Variants in SOX6 observed in about 807,000 individuals in gnomAD.
SOX6 encodes SRY-box transcription factor 6, also known as transcription factor SOX-6.
A neutral mutation model predicts 97.8 loss-of-function variants in SOX6; 11 were observed. That is an observed-to-expected ratio of 0.11 (90% CI 0.07 to 0.19). The LOEUF (loss-of-function observed/expected upper bound fraction) is 0.19. Ranked by LOEUF, SOX6 falls within the 10% of genes least tolerant of loss-of-function variation. The pLI is 1.00. For missense variants in SOX6, 810 were observed against 1,039.5 expected, an observed-to-expected ratio of 0.78 and a Z score of 3.04; for synonymous variants, 360 against 371.4, an observed-to-expected ratio of 0.97 and a Z score of 0.35.
At chr11:16,310,337 A>G (rs1855562931) in intron 3 of SOX6, among the ~76,000 whole-genome samples, 1 of 152,058 alleles carries the variant, frequency 6.6e-6, no homozygotes, top group Non-Finnish European at 1.5e-5. Context: ...ATGCAAATAT[A>G]CTTAACACGA....
intron 4 of SOX6, among the ~76,000 whole-genome samples, chr11:16,192,376 G>C (rs1025661091): frequency 6.6e-6 from 1 of 151,852 alleles, no homozygotes; most frequent in Non-Finnish European, 1.5e-5. Context: ...AGTGACTTCA[G>C]ATTTACTGAA....
intron 15 of SOX6, among the ~76,000 whole-genome samples, chr11:15,974,905 A>G (rs1396392556): frequency 6.6e-6 from 1 of 152,186 alleles, no homozygotes; most frequent in East Asian, 1.9e-4. Context: ...TTTCCAGATG[A>G]AGAAAATCAG....
At chr11:16,577,564 A>T (rs1847995116) in intron 4 of SOX6, among the ~76,000 whole-genome samples, 1 of 152,156 alleles carries the variant, frequency 6.6e-6, no homozygotes, top group South Asian at 2.1e-4. Flanking sequence ...TTTCCAATGA[A>T]TGTTCCACCT....
chr11:16,507,153 G>C (rs1054674346), intron 4 of SOX6, among the ~76,000 whole-genome samples: 1 of 152,178 alleles, frequency 6.6e-6, no homozygotes, highest in Middle Eastern at 3.4e-3. Context: ...GCCACGTGGA[G>C]ATGTGCCTGC....
chr11:16,539,922 C>G (rs1163891574), intron 4 of SOX6, among the ~76,000 whole-genome samples: 1 of 152,154 alleles, frequency 6.6e-6, no homozygotes, highest in Non-Finnish European at 1.5e-5. Context: ...CCTTCTGAAA[C>G]TATTCCAATC....
intron 6 of SOX6, among the ~76,000 whole-genome samples, chr11:16,132,272 AAGGAAGGAAG>A (rs1849766043): frequency 2.0e-4 from 2 of 9,978 alleles, no homozygotes; most frequent in Non-Finnish European, 2.6e-4. Context: ...AGAAAGAAGG[AAGGAAGGAAG>A]GAAGGAAGGA....
At chr11:16,397,252 T>A (rs1044434314) in intron 1 of SOX6, among the ~76,000 whole-genome samples, 3 of 151,538 alleles carry the variant, frequency 2.0e-5, no homozygotes, top group Non-Finnish European at 3.0e-5. Flanking sequence ...AAATTAAATA[T>A]ATTTATCTAC....
At chr11:16,530,034 T>C (rs1861217743) in intron 4 of SOX6, among the ~76,000 whole-genome samples, 1 of 151,986 alleles carries the variant, frequency 6.6e-6, no homozygotes, top group Non-Finnish European at 1.5e-5. Context: ...TATCCAAAAT[T>C]TGTGATTGTA....
chr11:16,110,673 C>T (rs1849207775), intron 7 of SOX6, among the ~76,000 whole-genome samples: 1 of 152,144 alleles, frequency 6.6e-6, no homozygotes, highest in African/African-American at 2.4e-5. Flanking sequence ...TTGCCACAGA[C>T]ATCCTACCTT....
chr11:16,527,867 G>A (rs373456086), intron 4 of SOX6, among the ~76,000 whole-genome samples: 17 of 152,196 alleles, frequency 1.1e-4, no homozygotes, highest in East Asian at 3.9e-4. Context: ...CTGGGACTTC[G>A]GGAGTCATTG....
At chr11:16,475,001 T>C (rs1331692582) in intron 1 of SOX6, among the ~76,000 whole-genome samples, 2 of 152,246 alleles carry the variant, frequency 1.3e-5, no homozygotes, top group Non-Finnish European at 1.5e-5. Flanking sequence ...ACTTTTATGT[T>C]AAGGAGACTG....
chr11:16,097,982 A>C (rs1359334738), intron 7 of SOX6, among the ~76,000 whole-genome samples: 1 of 151,880 alleles, frequency 6.6e-6, no homozygotes, highest in African/African-American at 2.4e-5. Flanking sequence ...ATTTTTTAAG[A>C]GTAAAAAAAT....
At chr11:16,223,302 T>C (rs760607118) in intron 4 of SOX6, among the ~76,000 whole-genome samples, 1 of 152,154 alleles carries the variant, frequency 6.6e-6, no homozygotes, top group Non-Finnish European at 1.5e-5. Context: ...GGAGGCATTT[T>C]CATTTAACAC....
chr11:16,574,538 G>A (rs1847965221), intron 4 of SOX6, among the ~76,000 whole-genome samples: 1 of 152,014 alleles, frequency 6.6e-6, no homozygotes, highest in East Asian at 1.9e-4. Context: ...TATGACCTCA[G>A]ATAGGAAATA....
chr11:16,150,416 G>C (rs752985340), intron 6 of SOX6, among the ~76,000 whole-genome samples: 1 of 152,182 alleles, frequency 6.6e-6, no homozygotes, highest in Non-Finnish European at 1.5e-5. Context: ...GGACGGTCAT[G>C]AATAACACTT....
At chr11:16,668,636 C>A (rs2134023011) in intron 3 of SOX6, among the ~76,000 whole-genome samples, 1 of 152,148 alleles carries the variant, frequency 6.6e-6, no homozygotes, top group South Asian at 2.1e-4. Flanking sequence ...ACAAATAAGA[C>A]CCAACAATCT....
chr11:16,012,859 GACATCCTCTAGTATATAA>G (rs1854774390), intron 13 of SOX6, among the ~76,000 whole-genome samples: 1 of 152,014 alleles, frequency 6.6e-6, no homozygotes, highest in South Asian at 2.1e-4. Flanking sequence ...AAAGGCGTAA[GACATCCTCTAGTATATAA>G]ACACTTGATA....
intron 1 of SOX6, among the ~76,000 whole-genome samples, chr11:16,429,981 A>T (rs967072933): frequency 6.6e-6 from 1 of 152,158 alleles, no homozygotes; most frequent in African/African-American, 2.4e-5. Context: ...CAATTTGCTC[A>T]ACTATAAAAT....
At chr11:16,048,231 G>A (rs917278888) in intron 11 of SOX6, among the ~76,000 whole-genome samples, 2 of 152,026 alleles carry the variant, frequency 1.3e-5, no homozygotes, top group Non-Finnish European at 2.9e-5. Flanking sequence ...TCCGGCCAAG[G>A]GGCATTCATA....
Sources: gnomAD v4.1 joint callset for allele counts (sites outside exome capture counted in the v4.1 genomes callset) on GRCh38, gnomAD v4.1.1 for gene constraint, MANE v1.5 for transcripts, NCBI Gene and HGNC (gene_info 2026-07-23, HGNC 2026-07-21) for gene names.